PTPRD: variants seen among roughly 807,000 people sequenced by gnomAD.
PTPRD encodes protein tyrosine phosphatase receptor type D, also known as receptor-type tyrosine-protein phosphatase delta.
In PTPRD, 34 loss-of-function variants were observed where a neutral mutation model predicts 214.5. The observed-to-expected ratio is 0.16, with a 90% CI of 0.12 to 0.21. PTPRD has a LOEUF of 0.21. Ranked by LOEUF, PTPRD falls within the 10% of genes least tolerant of loss-of-function variation. PTPRD has a pLI of 1.00. For synonymous variants in PTPRD, 1,128 were observed against 845.7 expected (o/e 1.33, Z -5.79); for missense variants, 2,545 against 2,398.7 (o/e 1.06, Z -1.27).
chr9:10,493,502 G>A (rs1165352555), intron 2 of PTPRD, among the ~76,000 whole-genome samples: 7 of 152,024 alleles, frequency 4.6e-5, no homozygotes, highest in African/African-American at 1.7e-4. Context: ...ATGGGGAAAG[G>A]ATTCCCTATG....
At position 9,873,850 on chromosome 9, in the gene PTPRD, A is replaced by T. The variant is rs546044264; in HGVS notation, c.-368+64657T>A. Among the ~76,000 whole-genome samples, 59 of 152,292 alleles carry T rather than the reference A, an allele frequency of 3.9e-4. 1 individual carries two copies. The South Asian group carries it at 0.011, about 28-fold the overall frequency. ...TTGGGAATTAGTGTTATGAAAAAAGAAATGAAGACATGCTTGAACTTGGTA... is the reference window on the plus strand; with the variant it reads ...TTGGGAATTAGTGTTATGAAAAAAGTAATGAAGACATGCTTGAACTTGGTA... On this transcript the variant is annotated intron_variant, in intron 5 of 45. Transcript: ENST00000381196.
chr9:9,828,879 T>G (rs1462764608), intron 5 of PTPRD, among the ~76,000 whole-genome samples: 3 of 151,946 alleles, frequency 2.0e-5, no homozygotes, highest in Non-Finnish European at 4.4e-5. Context: ...CTCACTTCCA[T>G]TTAACTCTAT....
intron 14 of PTPRD, among the ~76,000 whole-genome samples, chr9:8,620,519 G>C (rs1055943421): frequency 1.8e-4 from 28 of 152,120 alleles, no homozygotes; most frequent in Admixed American, 5.9e-4. Context: ...AGTGATGGTG[G>C]TGGTGGTACT....
chr9:8,977,061 T>C (rs2099271925), intron 11 of PTPRD, among the ~76,000 whole-genome samples: 1 of 152,136 alleles, frequency 6.6e-6, no homozygotes. Flanking sequence ...AGATATCTTC[T>C]GTTACGCATC....
At chr9:9,748,439 G>C (rs1254294858) in intron 6 of PTPRD, among the ~76,000 whole-genome samples, 1 of 152,080 alleles carries the variant, frequency 6.6e-6, no homozygotes, top group Non-Finnish European at 1.5e-5. Flanking sequence ...CAGAAACCAA[G>C]ATCAAAATAA....
At chr9:8,741,892 C>T (rs1459598671) in intron 11 of PTPRD, among the ~76,000 whole-genome samples, 1 of 151,950 alleles carries the variant, frequency 6.6e-6, no homozygotes, top group African/African-American at 2.4e-5. Context: ...CCTGACCGGG[C>T]ATTTCTTTTT....
rs918456030 is a variant in PTPRD at position 10,101,804 on chromosome 9, C to T, written c.-544-68014G>A. Among the ~76,000 whole-genome samples the T allele has an allele frequency of 2.6e-5, 4 of 151,642 alleles. No individual in the cohort carries two copies. The Admixed American group carries it at 2.6e-4, about 10-fold the overall frequency. On this transcript the variant is annotated intron_variant, in intron 3 of 45. Transcript: ENST00000381196. ...AAATCATAAATCCTAGCCACAGCTG[C>T]GGTATATTAGAGGCCACACATTACA...
At chr9:8,581,128 G>A (rs1349402532) in intron 14 of PTPRD, among the ~76,000 whole-genome samples, 4 of 152,132 alleles carry the variant, frequency 2.6e-5, no homozygotes, top group African/African-American at 9.7e-5. Flanking sequence ...CTACCTGGAA[G>A]CTGGAACAGA....
At chr9:10,592,573 A>G in intron 2 of PTPRD, among the ~76,000 whole-genome samples, 1 of 151,960 alleles carries the variant, frequency 6.6e-6, no homozygotes, top group Non-Finnish European at 1.5e-5. Flanking sequence ...AGGGGAAGCC[A>G]GCTGGACTTA....
Position 8,317,388 on chromosome 9 carries a change from T to C in PTPRD, c.*486A>G, listed in dbSNP as rs1009211253. 2.1e-5 allele frequency: 5 copies of C among 232,994 alleles called. No homozygotes were observed. Among genetic ancestry groups the C allele is most frequent in the African/African-American group, 8.8e-5 (4 of 45,248 alleles). 14.4% of individuals were successfully genotyped at this position (232,994 alleles called of 1,614,324 possible). A position where few individuals can be genotyped will look rare whatever the true frequency, so the allele number is the denominator to read the frequency against. ...TACTAAAAAACTAAATCAAGGACTT[T>C]CTTTTTAAACATTCCCTCCCCTTTC... On this transcript the variant is annotated 3_prime_UTR_variant, in exon 46 of 46. Transcript: ENST00000381196.
At chr9:10,387,594 A>T (rs1219546741) in intron 2 of PTPRD, among the ~76,000 whole-genome samples, 1 of 151,686 alleles carries the variant, frequency 6.6e-6, no homozygotes, top group East Asian at 2.0e-4. Flanking sequence ...CCTCTTGCTC[A>T]ACTTTGAATA....
At chr9:10,407,748 A>G (rs189125387) in intron 2 of PTPRD, among the ~76,000 whole-genome samples, 77 of 151,726 alleles carry the variant, frequency 5.1e-4, no homozygotes, top group African/African-American at 1.8e-3. Flanking sequence ...TTTCTAATAA[A>G]ATGGTAACCT....
intron 5 of PTPRD, among the ~76,000 whole-genome samples, chr9:9,928,789 A>ACACACAC (rs1408596519): frequency 2.5e-4 from 23 of 93,348 alleles, no homozygotes; most frequent in African/African-American, 1.8e-3. Context: ...CACACACACA[A>ACACACAC]TTTGCATTTT....
intron 7 of PTPRD, among the ~76,000 whole-genome samples, chr9:9,700,040 A>G (rs980020557): frequency 4.6e-5 from 7 of 152,176 alleles, no homozygotes. Flanking sequence ...AAAATAAATG[A>G]CATTCAGAAT....
chr9:8,811,336 T>A (rs1474118724), intron 11 of PTPRD, among the ~76,000 whole-genome samples: 9 of 151,972 alleles, frequency 5.9e-5, no homozygotes, highest in Non-Finnish European at 1.5e-5. Flanking sequence ...TATAGTCAAG[T>A]CCATTGACCC....
intron 35 of PTPRD, 86 bp downstream of exon 35, chr9:8,436,506 T>G (rs927725506): frequency 9.9e-7 from 1 of 1,005,486 alleles, no homozygotes; most frequent in South Asian, 1.4e-5. Flanking sequence ...GGAAAAGCAC[T>G]GATGAAGTTA....
chr9:8,968,956 G>T lies in PTPRD; in HGVS notation c.-104+49741C>A, dbSNP rs182344297. Among the ~76,000 whole-genome samples, 104 of 152,090 alleles carry T rather than the reference G, an allele frequency of 6.8e-4. No homozygotes were observed. In the East Asian group the frequency reaches 0.014, roughly 20 times the overall value. ...TAGCTTGGTAGAGAAAATTTAATTT[G>T]TAGTGTCTAAAACTGACAAGAGATT... On this transcript the variant is annotated intron_variant, in intron 11 of 45. Transcript: ENST00000381196.
intron 3 of PTPRD, among the ~76,000 whole-genome samples, chr9:10,161,853 A>T (rs1274512817): frequency 6.6e-6 from 1 of 151,788 alleles, no homozygotes; most frequent in African/African-American, 2.4e-5. Context: ...TAGCAAAAAG[A>T]TAATAATCTA....
intron 11 of PTPRD, among the ~76,000 whole-genome samples, chr9:8,782,478 AATT>A: frequency 6.6e-6 from 1 of 152,154 alleles, no homozygotes; most frequent in Middle Eastern, 3.4e-3. Flanking sequence ...TTATATCCTC[AATT>A]TCTTTTCATC....
Sources: gnomAD v4.1 joint callset for allele counts (sites outside exome capture counted in the v4.1 genomes callset) on GRCh38, gnomAD v4.1.1 for gene constraint, MANE v1.5 for transcripts, NCBI Gene and HGNC (gene_info 2026-07-23, HGNC 2026-07-21) for gene names.